LIPA: variants seen among roughly 807,000 people sequenced by gnomAD.
LIPA encodes the protein lipase A, lysosomal acid type, also known as lysosomal acid lipase/cholesteryl ester hydrolase.
A neutral mutation model predicts 40.6 loss-of-function variants in LIPA; 26 were observed. The ratio of observed to expected loss-of-function variants is 0.64; its 90% CI spans 0.47 to 0.89. LIPA has a LOEUF of 0.89. LIPA is among the 40% of genes least tolerant of loss of function. The pLI is 0.00. For synonymous variants in LIPA, 188 were observed against 168.4 expected (o/e 1.12, Z -0.90); for missense variants, 455 against 479.6 (o/e 0.95, Z 0.48).
At chr10:89,363,162 C>A (rs113388218) in intron 2 of LIPA, 3,833 of 224,194 alleles carry the variant, frequency 0.017, 51 homozygotes, top group African/African-American at 0.037. Context: ...TTCTGCCTTC[C>A]TGCATCACCA....
At chr10:89,378,580 C>T (rs2133601262) in intron 2 of LIPA, among the ~76,000 whole-genome samples, 1 of 152,330 alleles carries the variant, frequency 6.6e-6, no homozygotes, top group Non-Finnish European at 1.5e-5. Flanking sequence ...CCATGACCTT[C>T]ACCTCCTCCT....
At chr10:89,340,557 C>CAAAAAAAAA in intron 1 of LIPA, 1 of 60,626 alleles carries the variant, frequency 1.6e-5, no homozygotes, top group Non-Finnish European at 3.2e-5. Context: ...GACTCCATCT[C>CAAAAAAAAA]AAAAAAAAAA....
intron 2 of LIPA, among the ~76,000 whole-genome samples, 186 bp from the exon 3 acceptor site, chr10:89,245,979 G>A (rs1012535322): frequency 2.0e-5 from 3 of 151,970 alleles, no homozygotes; most frequent in East Asian, 1.9e-4. Flanking sequence ...CTTGTTTCAC[G>A]CTTGTGTTCC....
At chr10:89,397,983 CT>C (rs1844369156) in intron 2 of LIPA, among the ~76,000 whole-genome samples, 1 of 152,180 alleles carries the variant, frequency 6.6e-6, no homozygotes, top group South Asian at 2.1e-4. Context: ...AATACATTCA[CT>C]TTATTGTGCA....
At chr10:89,218,673 C>G (rs962031241) in intron 8 of LIPA, among the ~76,000 whole-genome samples, 1 of 152,120 alleles carries the variant, frequency 6.6e-6, no homozygotes, top group African/African-American at 2.4e-5. Flanking sequence ...TGGAGGTGAC[C>G]GGGCTGCAAC....
At chr10:89,399,638 T>G (rs1173823488) in intron 2 of LIPA, among the ~76,000 whole-genome samples, 1 of 152,144 alleles carries the variant, frequency 6.6e-6, no homozygotes, top group Non-Finnish European at 1.5e-5. Context: ...CCTTTCCCCA[T>G]TAGATGGTCT....
At chr10:89,322,551 T>C (rs972870995) in intron 1 of LIPA, among the ~76,000 whole-genome samples, 2 of 151,226 alleles carry the variant, frequency 1.3e-5, no homozygotes, top group African/African-American at 4.9e-5. Context: ...AGAATGCCCC[T>C]GAAACCCCTG....
intron 2 of LIPA, among the ~76,000 whole-genome samples, chr10:89,411,188 G>A (rs1841466640): frequency 6.6e-6 from 1 of 152,084 alleles, no homozygotes; most frequent in Admixed American, 6.5e-5. Context: ...TCCTAACAGG[G>A]GATCTAAATC....
At chr10:89,293,991 C>T (rs918295079) in intron 1 of LIPA, among the ~76,000 whole-genome samples, 1 of 152,172 alleles carries the variant, frequency 6.6e-6, no homozygotes, top group Non-Finnish European at 1.5e-5. Context: ...TCTTTGTGTA[C>T]TGATGTATCT....
intron 1 of LIPA, among the ~76,000 whole-genome samples, chr10:89,270,401 C>A (rs1468605889): frequency 1.3e-5 from 2 of 152,180 alleles, no homozygotes; most frequent in East Asian, 3.8e-4. Flanking sequence ...CAGGAAATAG[C>A]AAGCATTCTA....
chr10:89,329,883 TA>T (rs1374066404), intron 1 of LIPA, among the ~76,000 whole-genome samples: 15 of 151,730 alleles, frequency 9.9e-5, no homozygotes, highest in South Asian at 4.2e-4. Context: ...GGAAGGGAGA[TA>T]GGGGTGGGGC....
chr10:89,322,558 C>G (rs146451165), intron 1 of LIPA, among the ~76,000 whole-genome samples: 370 of 151,822 alleles, frequency 2.4e-3, no homozygotes, highest in African/African-American at 8.6e-3. Context: ...CCCTGAAACC[C>G]CTGCCCACCC....
chr10:89,325,497 A>C (rs1340424302), intron 1 of LIPA, among the ~76,000 whole-genome samples: 1 of 152,230 alleles, frequency 6.6e-6, no homozygotes, highest in Non-Finnish European at 1.5e-5. Context: ...AGGATAAGGG[A>C]AATGTGGTAC....
intron 1 of LIPA, among the ~76,000 whole-genome samples, chr10:89,309,586 A>G (rs1843504536): frequency 6.6e-6 from 1 of 151,910 alleles, no homozygotes; most frequent in Admixed American, 6.5e-5. Context: ...TTGAGAGAGG[A>G]CCCTTGGTAC....
rs181164762 is a variant in LIPA, at chr10:89,250,988, T to C, written c.-2+749A>G. Among the ~76,000 whole-genome samples the C allele has an allele frequency of 2.5e-3, 383 of 152,330 alleles. 2 individuals carry two copies. The highest frequency in any genetic ancestry group is 7.6e-3 in the Admixed American group (117 of 15,298). On this transcript the variant is annotated intron_variant, in intron 1 of 9. Coordinates refer to ENST00000336233, the MANE Select transcript of LIPA (RefSeq NM_000235.4). ...AGGACCAAGCAAAGTGCCACGTATATATTAGATGCATAGTACAGATTCTGA... is the reference window on the plus strand; with the variant it reads ...AGGACCAAGCAAAGTGCCACGTATACATTAGATGCATAGTACAGATTCTGA...
intron 1 of LIPA, among the ~76,000 whole-genome samples, chr10:89,264,989 C>T (rs1425143733): frequency 6.6e-6 from 1 of 152,226 alleles, no homozygotes; most frequent in East Asian, 1.9e-4. Flanking sequence ...CTTCAGCCTC[C>T]CTCCCATGCT....
intron 1 of LIPA, among the ~76,000 whole-genome samples, chr10:89,304,188 C>T (rs975955505): frequency 6.6e-6 from 1 of 152,124 alleles, no homozygotes; most frequent in Admixed American, 6.5e-5. Flanking sequence ...AGGAAGGACC[C>T]GCCTTCCATT....
intron 1 of LIPA, among the ~76,000 whole-genome samples, chr10:89,263,739 G>A (rs548470575): frequency 2.0e-5 from 3 of 152,338 alleles, no homozygotes; most frequent in Non-Finnish European, 2.9e-5. Flanking sequence ...TGCCCACTTG[G>A]CCTGGCAGGC....
chr10:89,321,539 A>G (rs546534615), intron 1 of LIPA, among the ~76,000 whole-genome samples: 1 of 152,378 alleles, frequency 6.6e-6, no homozygotes, highest in African/African-American at 2.4e-5. Flanking sequence ...CACACCCGTT[A>G]GAATGGCCAT....
Sources: gnomAD v4.1 joint callset for allele counts (sites outside exome capture counted in the v4.1 genomes callset) on GRCh38, gnomAD v4.1.1 for gene constraint, MANE v1.5 for transcripts, NCBI Gene and HGNC (gene_info 2026-07-23, HGNC 2026-07-21) for gene names.